The following DIAPH3 variants were observed in gnomAD, a reference collection of about 807,000 sequenced individuals.
The protein encoded by DIAPH3 is diaphanous related formin 3, also known as protein diaphanous homolog 3.
A neutral mutation model predicts 144.3 loss-of-function variants in DIAPH3; 117 were observed. The ratio of observed to expected loss-of-function variants is 0.81; its 90% CI spans 0.70 to 0.95. The LOEUF is 0.95. Ranked by LOEUF, DIAPH3 falls within the 40% of genes least tolerant of loss-of-function variation. DIAPH3 has a pLI of 0.00. For synonymous variants in DIAPH3, 519 were observed against 488.9 expected (o/e 1.06, Z -0.81); for missense variants, 1,421 against 1,412.7 (o/e 1.01, Z -0.09).
At chr13:59,823,536 T>C (rs2041194341) in intron 24 of DIAPH3, among the ~76,000 whole-genome samples, 1 of 152,144 alleles carries the variant, frequency 6.6e-6, no homozygotes, top group Non-Finnish European at 1.5e-5. Flanking sequence ...GCCCACCAAA[T>C]TAAGCAAGGA....
At chr13:59,795,036 T>C (rs960340145) in intron 25 of DIAPH3, among the ~76,000 whole-genome samples, 3 of 152,248 alleles carry the variant, frequency 2.0e-5, no homozygotes, top group East Asian at 3.9e-4. Context: ...ATTCTGTAAA[T>C]GGCCTGTGGG....
intron 27 of DIAPH3, among the ~76,000 whole-genome samples, chr13:59,676,125 A>G (rs1405777734): frequency 2.6e-5 from 4 of 152,188 alleles, no homozygotes; most frequent in Non-Finnish European, 5.9e-5. Flanking sequence ...TTTGATTCAC[A>G]GAATCATGTA....
chr13:59,899,253 A>G (rs1176967412), intron 20 of DIAPH3, among the ~76,000 whole-genome samples: 2 of 152,132 alleles, frequency 1.3e-5, no homozygotes, highest in East Asian at 3.9e-4. Context: ...GTGAGTCAAA[A>G]CTGCTTAATA....
At chr13:60,100,627 C>A (rs1399751142) in intron 3 of DIAPH3, among the ~76,000 whole-genome samples, 3 of 151,918 alleles carry the variant, frequency 2.0e-5, no homozygotes, top group Non-Finnish European at 4.4e-5. Flanking sequence ...GAAAGGTATA[C>A]AAGAATTCTC....
intron 17 of DIAPH3, among the ~76,000 whole-genome samples, chr13:59,940,175 C>T (rs7321528): frequency 0.023 from 3,548 of 152,070 alleles, 138 homozygotes; most frequent in African/African-American, 0.082. Context: ...AGCGAGGTAA[C>T]CTTTCGTTAA....
At chr13:59,846,670 C>T (rs7335404) in intron 22 of DIAPH3, among the ~76,000 whole-genome samples, 55,077 of 151,826 alleles carry the variant, frequency 0.36, 10,505 homozygotes, top group Non-Finnish European at 0.42. Context: ...TTCTAGAATA[C>T]CATTATAAAA....
intron 25 of DIAPH3, among the ~76,000 whole-genome samples, chr13:59,801,099 C>A (rs185917182): frequency 6.6e-6 from 1 of 152,086 alleles, no homozygotes; most frequent in East Asian, 1.9e-4. Flanking sequence ...TTGAAAACAT[C>A]CACTGAAAAT....
chr13:59,891,820 C>A (rs764657698), intron 20 of DIAPH3, among the ~76,000 whole-genome samples: 2 of 151,950 alleles, frequency 1.3e-5, no homozygotes, highest in Non-Finnish European at 2.9e-5. Context: ...TGGTTCATAG[C>A]TGAGCTGTAA....
chr13:60,132,259 T>G (rs2059163504), intron 2 of DIAPH3, among the ~76,000 whole-genome samples: 1 of 152,212 alleles, frequency 6.6e-6, no homozygotes, highest in South Asian at 2.1e-4. Flanking sequence ...CTAGGCATTC[T>G]CCTTCATGCT....
At chr13:59,993,702 T>TAA (rs3078724) in intron 9 of DIAPH3, among the ~76,000 whole-genome samples, 1,464 of 73,872 alleles carry the variant, frequency 0.02, 56 homozygotes, top group Middle Eastern at 0.038. Context: ...GAAACATACT[T>TAA]AAAAAAAAAA....
intron 27 of DIAPH3, among the ~76,000 whole-genome samples, chr13:59,714,643 C>T (rs1167898905): frequency 6.6e-6 from 1 of 152,130 alleles, no homozygotes. Flanking sequence ...ATGCCACATC[C>T]TCAACTTTAC....
At position 60,016,047 on chromosome 13, in the gene DIAPH3, AAAAT is replaced by A; in HGVS notation, c.701+20_701+23del. 1 of 1,611,412 alleles carries A rather than the reference AAAAT, an allele frequency of 6.2e-7. No homozygotes were observed. The stretch of plus-strand genomic sequence containing the variant: ...TGGACATATGAATGATGCTTACTTG[AAAAT>A]AATTATTAGCAATACTTACATTTTT... On this transcript the variant is annotated intron_variant, in intron 6 of 27. Transcript: ENST00000400324.
At chr13:60,123,792 A>G (rs1460985916) in intron 2 of DIAPH3, among the ~76,000 whole-genome samples, 4 of 152,056 alleles carry the variant, frequency 2.6e-5, no homozygotes, top group Non-Finnish European at 5.9e-5. Flanking sequence ...CTTACCAAGG[A>G]AAATATAAAA....
intron 1 of DIAPH3, among the ~76,000 whole-genome samples, chr13:60,137,309 A>T (rs2059310085): frequency 1.3e-5 from 2 of 152,254 alleles, no homozygotes; most frequent in Non-Finnish European, 2.9e-5. Flanking sequence ...CAATGCATCA[A>T]AACTTTTATT....
intron 25 of DIAPH3, among the ~76,000 whole-genome samples, chr13:59,780,191 T>A (rs1361160046): frequency 6.6e-6 from 1 of 152,006 alleles, no homozygotes; most frequent in African/African-American, 2.4e-5. Flanking sequence ...CAAAAGCATT[T>A]CTGCTCTCAC....
chr13:60,130,634 T>C (rs1489162741), intron 2 of DIAPH3, among the ~76,000 whole-genome samples: 2 of 152,180 alleles, frequency 1.3e-5, no homozygotes, highest in Non-Finnish European at 2.9e-5. Context: ...AGTGACTCTT[T>C]CACTTGTTCA....
At chr13:60,002,093 C>A (rs190890086) in intron 9 of DIAPH3, among the ~76,000 whole-genome samples, 1 of 152,120 alleles carries the variant, frequency 6.6e-6, no homozygotes, top group Non-Finnish European at 1.5e-5. Context: ...ATTAACACCT[C>A]GGGCCAAGTG....
At chr13:60,050,082 T>A (rs2056265649) in intron 4 of DIAPH3, among the ~76,000 whole-genome samples, 1 of 152,116 alleles carries the variant, frequency 6.6e-6, no homozygotes, top group African/African-American at 2.4e-5. Context: ...TAGATCTAGA[T>A]ACTCAGGAGA....
At chr13:59,812,282 AT>A (rs2040525708) in intron 24 of DIAPH3, among the ~76,000 whole-genome samples, 3 of 151,522 alleles carry the variant, frequency 2.0e-5, no homozygotes, top group Non-Finnish European at 4.4e-5. Context: ...CCATCCATCC[AT>A]CCATCCATCC....
Sources: allele counts gnomAD v4.1 joint callset (sites outside exome capture counted in the v4.1 genomes callset), GRCh38; gene constraint gnomAD v4.1.1; transcripts MANE v1.5; gene names NCBI Gene and HGNC (gene_info 2026-07-23, HGNC 2026-07-21).